Variants in ACOT6 observed in about 807,000 individuals in gnomAD.
ACOT6 encodes acyl-coenzyme A thioesterase 6.
ACOT6 carries 14 observed loss-of-function variants against 12.3 expected under a neutral mutation model. The ratio of observed to expected loss-of-function variants is 1.14; its 90% CI spans 0.75 to 1.78. The LOEUF (loss-of-function observed/expected upper bound fraction) is 1.78. ACOT6 is among the 40% of genes most tolerant of loss of function. ACOT6 has a pLI of 0.00. For missense variants in ACOT6, 523 were observed against 551.8 expected, an observed-to-expected ratio of 0.95 and a Z score of 0.52; for synonymous variants, 218 against 231.3, an observed-to-expected ratio of 0.94 and a Z score of 0.52.
chr14:73,613,923 C>G (rs979822748), intron 1 of ACOT6, among the ~76,000 whole-genome samples: 1 of 151,074 alleles, frequency 6.6e-6, no homozygotes, highest in East Asian at 1.9e-4. Flanking sequence ...GGCACAGTGG[C>G]TCAGGCCTGT....
rs1890552073 is a variant in ACOT6 at position 73,617,039 on chromosome 14, C to T, written c.507C>T (p.Gly169=). The T allele has an allele frequency of 3.0e-6, 3 of 1,003,984 alleles. No individual in the cohort carries two copies. Among genetic ancestry groups the T allele is most frequent in the Non-Finnish European group, 4.7e-6 (3 of 632,880 alleles). 62.2% of individuals were successfully genotyped at this position (1,003,984 alleles called of 1,614,324 possible). Residue 169 remains glycine (G), a synonymous_variant, in exon 2 of 3, where the codon GGC becomes GGT. Transcript: ENST00000645972. ...TTGATCTGTTTGGGAGCAGCAGGGG[C>T]CTTTGTGAATACAGGGCCAGCCTCC... is the stretch of plus-strand genomic sequence containing the variant. ...GIIDLFGSSR[G]LCEYRASLLA...
rs1237815007 is a variant in ACOT6, at chr14:73,612,651, C to T, written c.80C>T (p.Ala27Val). ...CTGCGCATCGCAGTGCGCGGCCTGG[C>T]CCCGGAGCAGCCAGTCACGCTGCGC... ...EPLRIAVRGL[A>V]PEQPVTLRTS... The change falls in exon 1 of 3, where the codon GCC becomes GTC. Residue 27 changes from alanine (A) to valine (V), a missense_variant. Transcript: ENST00000645972. 7.1e-7 allele frequency: 1 copy of T among 1,407,656 alleles called. No individual in the cohort carries two copies. 87.2% of individuals were successfully genotyped at this position (1,407,656 alleles called of 1,614,324 possible).
upstream of ACOT6, among the ~76,000 whole-genome samples, chr14:73,612,343 G>A (rs1263387211): frequency 6.6e-6 from 1 of 152,178 alleles, no homozygotes; most frequent in Admixed American, 6.5e-5. Flanking sequence ...CCCCCGGCCG[G>A]ATTGGTCATT....
At chr14:73,615,029 C>T (rs1472027544) in intron 1 of ACOT6, among the ~76,000 whole-genome samples, 1 of 146,664 alleles carries the variant, frequency 6.8e-6, no homozygotes, top group Non-Finnish European at 1.5e-5. Context: ...GCAGAGGTTG[C>T]AGTGAGCCAA....
intron 1 of ACOT6, among the ~76,000 whole-genome samples, chr14:73,615,331 G>A (rs541852476): frequency 8.8e-5 from 12 of 137,086 alleles, no homozygotes; most frequent in Non-Finnish European, 1.7e-4. Context: ...AGGTTGCAGT[G>A]AGCCAAAATC....
chr14:73,612,385 G>C, upstream of ACOT6: 1 of 422,274 alleles, frequency 2.4e-6, no homozygotes, highest in Non-Finnish European at 4.1e-6. Flanking sequence ...TCTTTCATTT[G>C]GGACACTGGT....
upstream of ACOT6, among the ~76,000 whole-genome samples, chr14:73,611,885 C>A (rs901896864): frequency 2.6e-5 from 4 of 152,098 alleles, no homozygotes; most frequent in African/African-American, 9.7e-5. Flanking sequence ...CGGATTACGA[C>A]CATGTTTCTC....
intron 1 of ACOT6, among the ~76,000 whole-genome samples, chr14:73,613,318 C>A (rs970169119): frequency 5.3e-5 from 8 of 152,060 alleles, no homozygotes; most frequent in African/African-American, 1.9e-4. Context: ...GGAGGCACCA[C>A]CACTTTAGCT....
chr14:73,617,046 G>A lies in ACOT6; in HGVS notation c.514G>A (p.Glu172Lys), dbSNP rs1890552199. The change falls in exon 2 of 3, where the codon GAA (glutamate) becomes AAA (lysine). Residue 172 changes from glutamate (E) to lysine (K), a missense_variant. Transcript: ENST00000645972. ...DLFGSSRGLC[E>K]YRASLLAGHG... ...GTTTGGGAGCAGCAGGGGCCTTTGT[G>A]AATACAGGGCCAGCCTCCTGGCCGG... is the stretch of plus-strand genomic sequence containing the variant. The A allele has an allele frequency of 2.6e-6, 3 of 1,162,924 alleles. No individual in the cohort carries two copies. The highest frequency in any genetic ancestry group is 3.9e-6 in the Non-Finnish European group (3 of 775,948). 72.0% of individuals were successfully genotyped at this position (1,162,924 alleles called of 1,614,324 possible).
intron 1 of ACOT6, 47 bp downstream of exon 1, chr14:73,613,079 C>T: frequency 3.6e-6 from 2 of 559,586 alleles, no homozygotes. Context: ...CCACCGGCCC[C>T]TTTCCTGTCC....
At chr14:73,618,422 G>A in intron 2 of ACOT6, among the ~76,000 whole-genome samples, 1 of 147,636 alleles carries the variant, frequency 6.8e-6, no homozygotes, top group Non-Finnish European at 1.5e-5. Context: ...CATGCAAGCT[G>A]GGGTGTCCAC....
At chr14:73,616,260 A>G (rs9323590) in intron 1 of ACOT6, among the ~76,000 whole-genome samples, 121,878 of 151,902 alleles carry the variant, frequency 0.8, 49,742 homozygotes, top group African/African-American at 0.95. Context: ...GAACCACCAC[A>G]CCTGGCCTCA....
chr14:73,619,763 A>ATGCCTGGCATCTATT lies in ACOT6; in HGVS notation c.1199_1200insTCTATTTGCCTGGCA (p.Trp399_Gln400insHisLeuPheAlaTrp), dbSNP rs759300264. On this transcript the variant is annotated inframe_insertion, in exon 3 of 3. Transcript: ENST00000645972. ...AAGGCTCACTCAAAGGCACAGGTAG[A>ATGCCTGGCATCTATT]TGCCTGGCAGCAAATTCAAACTTTC... 18 of 1,610,772 alleles carry ATGCCTGGCATCTATT rather than the reference A, an allele frequency of 1.1e-5. No homozygotes were observed. The African/African-American group carries it at 2.3e-4, about 20-fold the overall frequency.
At chr14:73,611,100 C>T (rs369171207), upstream of ACOT6, 1 of 152,204 alleles carries the variant, frequency 6.6e-6, no homozygotes, top group African/African-American at 2.4e-5. Flanking sequence ...TGTGTTTTCT[C>T]ACTGGACTCA....
intron 1 of ACOT6, 21 bp downstream of exon 1, chr14:73,613,053 T>A: frequency 1.5e-6 from 1 of 686,840 alleles, no homozygotes; most frequent in Non-Finnish European, 2.2e-6. Context: ...CAGAATTTGG[T>A]CGAGCTCTGC....
intron 2 of ACOT6, 155 bp downstream of exon 2, chr14:73,617,347 A>G: frequency 9.5e-7 from 1 of 1,047,778 alleles, no homozygotes; most frequent in South Asian, 1.4e-5. Context: ...GGGCATGGTG[A>G]TGTGCACCTG....
upstream of ACOT6, among the ~76,000 whole-genome samples, chr14:73,611,347 A>T (rs1890442050): frequency 6.6e-6 from 1 of 152,182 alleles, no homozygotes; most frequent in African/African-American, 2.4e-5. Context: ...TTCCTGCCAC[A>T]AACCATAGGT....
Position 73,619,557 on chromosome 14 carries a change from C to T in ACOT6, c.984C>T (p.Ser328=). 1.2e-6 allele frequency: 2 copies of T among 1,614,172 alleles called. No homozygotes were observed. Among genetic ancestry groups the T allele is most frequent in the Non-Finnish European group, 1.7e-6 (2 of 1,180,024 alleles). Residue 328 remains serine, a synonymous_variant, in exon 3 of 3, where the codon AGC becomes AGT. Coordinates refer to ENST00000645972, the MANE Select transcript of ACOT6 (RefSeq NM_001365788.1). ...FLFIVGMDDQ[S]WKSEFYAQIA... is the part of the protein sequence containing the mutation. ...TTATTGTTGGCATGGATGATCAAAG[C>T]TGGAAGAGTGAATTCTATGCTCAGA... is the stretch of plus-strand genomic sequence containing the variant.
At chr14:73,617,915 CG>C (rs5809620) in intron 2 of ACOT6, among the ~76,000 whole-genome samples, 77,957 of 151,740 alleles carry the variant, frequency 0.51, 20,768 homozygotes, top group East Asian at 0.85. Context: ...GAGGCCAAGG[CG>C]GGCAGATCAC....
Sources: gnomAD v4.1 joint callset for allele counts (sites outside exome capture counted in the v4.1 genomes callset) on GRCh38, gnomAD v4.1.1 for gene constraint, MANE v1.5 for transcripts, NCBI Gene and HGNC (gene_info 2026-07-23, HGNC 2026-07-21) for gene names.